The following SLC25A13 variants were observed in gnomAD, a reference collection of about 807,000 sequenced individuals.
SLC25A13 encodes solute carrier family 25 member 13.
A neutral mutation model predicts 85.5 loss-of-function variants in SLC25A13; 70 were observed. That is an observed-to-expected ratio of 0.82 (90% CI 0.68 to 1.00). SLC25A13 has a LOEUF of 1.00. Among genes scored for constraint, SLC25A13 ranks in the 50% least tolerant of loss-of-function variants. The pLI is 0.00. For synonymous variants in SLC25A13, 259 were observed against 288.7 expected (o/e 0.90, Z 1.04); for missense variants, 765 against 819.8 (o/e 0.93, Z 0.82).
At chr7:96,307,951 A>C (rs1799814354) in intron 1 of SLC25A13, among the ~76,000 whole-genome samples, 2 of 152,096 alleles carry the variant, frequency 1.3e-5, no homozygotes, top group Admixed American at 6.5e-5. Context: ...CAGGAGTTCA[A>C]GACCAGCCTG....
At chr7:96,133,418 A>G (rs1792121842) in intron 14 of SLC25A13, among the ~76,000 whole-genome samples, 1 of 152,132 alleles carries the variant, frequency 6.6e-6, no homozygotes, top group Admixed American at 6.5e-5. Context: ...TAATCTATCA[A>G]TTGTGCATTT....
At chr7:96,227,203 C>T (rs1562859258) in intron 4 of SLC25A13, among the ~76,000 whole-genome samples, 1 of 152,142 alleles carries the variant, frequency 6.6e-6, no homozygotes, top group Non-Finnish European at 1.5e-5. Context: ...CTTTAGATAA[C>T]AAATAACATA....
At chr7:96,279,327 C>T (rs2116945385) in intron 2 of SLC25A13, among the ~76,000 whole-genome samples, 1 of 152,186 alleles carries the variant, frequency 6.6e-6, no homozygotes, top group South Asian at 2.1e-4. Context: ...TAAGCTTAGA[C>T]ACTAGCTGTA....
At chr7:96,265,437 A>G (rs1403620965) in intron 3 of SLC25A13, among the ~76,000 whole-genome samples, 1 of 152,236 alleles carries the variant, frequency 6.6e-6, no homozygotes. Flanking sequence ...TCAAATAAGA[A>G]TGGTATCCCG....
intron 6 of SLC25A13, among the ~76,000 whole-genome samples, 195 bp from the exon 7 acceptor site, chr7:96,191,442 C>T (rs527428273): frequency 1.4e-4 from 22 of 151,828 alleles, no homozygotes; most frequent in African/African-American, 5.3e-4. Context: ...TAATCATGAC[C>T]AGAACTTGTA....
intron 1 of SLC25A13, among the ~76,000 whole-genome samples, chr7:96,319,558 A>C (rs1331059389): frequency 6.6e-6 from 1 of 151,298 alleles, no homozygotes; most frequent in Admixed American, 6.6e-5. Flanking sequence ...AAAAAAAAAA[A>C]AAAACTGCTC....
intron 1 of SLC25A13, among the ~76,000 whole-genome samples, chr7:96,303,994 C>A (rs766507396): frequency 6.6e-6 from 1 of 152,100 alleles, no homozygotes; most frequent in African/African-American, 2.4e-5. Context: ...CTGACTGATA[C>A]AATCAGTAAT....
intron 13 of SLC25A13, among the ~76,000 whole-genome samples, chr7:96,163,905 A>G (rs946293680): frequency 1.2e-4 from 18 of 145,660 alleles, no homozygotes; most frequent in African/African-American, 4.4e-4. Context: ...CTCTCTCTCC[A>G]TATATATATA....
intron 4 of SLC25A13, among the ~76,000 whole-genome samples, chr7:96,210,066 C>T (rs1795631017): frequency 6.6e-6 from 1 of 152,098 alleles, no homozygotes; most frequent in South Asian, 2.1e-4. Flanking sequence ...CTGCTCCCAC[C>T]CCCATTATAC....
At chr7:96,230,832 G>A (rs1397238400) in intron 4 of SLC25A13, among the ~76,000 whole-genome samples, 1 of 152,236 alleles carries the variant, frequency 6.6e-6, no homozygotes, top group Non-Finnish European at 1.5e-5. Context: ...AATGTGGCCA[G>A]ACATGACGGT....
intron 11 of SLC25A13, among the ~76,000 whole-genome samples, chr7:96,175,137 C>T (rs969398354): frequency 6.6e-6 from 1 of 152,088 alleles, no homozygotes; most frequent in African/African-American, 2.4e-5. Context: ...AGTTCTTCTG[C>T]CTGCAGGAGG....
chr7:96,200,231 G>T (rs1253859637), intron 5 of SLC25A13, among the ~76,000 whole-genome samples: 1 of 152,096 alleles, frequency 6.6e-6, no homozygotes, highest in Non-Finnish European at 1.5e-5. Flanking sequence ...GGTAATAGAA[G>T]AATTCTGGGC....
intron 4 of SLC25A13, among the ~76,000 whole-genome samples, chr7:96,233,181 A>G (rs1796620357): frequency 6.6e-6 from 1 of 152,222 alleles, no homozygotes; most frequent in East Asian, 1.9e-4. Flanking sequence ...GGAAAGTAGG[A>G]GGACAAGACA....
intron 5 of SLC25A13, among the ~76,000 whole-genome samples, chr7:96,207,396 C>G (rs1443425106): frequency 6.6e-6 from 1 of 152,112 alleles, no homozygotes; most frequent in Non-Finnish European, 1.5e-5. Context: ...CCACCTCTAC[C>G]CAGAACAGGA....
intron 13 of SLC25A13, 143 bp from the exon 14 acceptor site, chr7:96,146,839 G>T: frequency 1.0e-6 from 1 of 990,258 alleles, no homozygotes; most frequent in Non-Finnish European, 1.6e-6. Context: ...AATCAAAACG[G>T]TTAGGGATTA....
intron 2 of SLC25A13, 80 bp from the exon 3 acceptor site, chr7:96,277,418 G>T: frequency 7.4e-7 from 1 of 1,345,332 alleles, no homozygotes; most frequent in Non-Finnish European, 1.0e-6. Flanking sequence ...ATGTGAAAAA[G>T]TTGAAAATAT....
intron 14 of SLC25A13, among the ~76,000 whole-genome samples, chr7:96,141,877 C>T (rs1199692988): frequency 6.6e-6 from 1 of 152,208 alleles, no homozygotes; most frequent in Non-Finnish European, 1.5e-5. Flanking sequence ...CTAACAACTT[C>T]AATGCTAGGA....
At chr7:96,189,500 T>C in intron 8 of SLC25A13, 81 bp downstream of exon 8, 1 of 1,543,366 alleles carries the variant, frequency 6.5e-7, no homozygotes. Context: ...GTTTGGCTTC[T>C]TTTTCTCCTG....
At chr7:96,307,298 A>G (rs1799783637) in intron 1 of SLC25A13, among the ~76,000 whole-genome samples, 1 of 152,180 alleles carries the variant, frequency 6.6e-6, no homozygotes, top group Non-Finnish European at 1.5e-5. Context: ...AATTATTATA[A>G]TTTTTTAAAG....
Sources: allele counts gnomAD v4.1 joint callset (sites outside exome capture counted in the v4.1 genomes callset), GRCh38; gene constraint gnomAD v4.1.1; transcripts MANE v1.5; gene names NCBI Gene and HGNC (gene_info 2026-07-23, HGNC 2026-07-21).